The following GRIP1 variants were observed in gnomAD, a reference collection of about 807,000 sequenced individuals.
GRIP1 encodes glutamate receptor interacting protein 1.
A neutral mutation model predicts 129.9 loss-of-function variants in GRIP1; 45 were observed. The observed-to-expected ratio is 0.35, with a 90% CI of 0.27 to 0.44. The LOEUF (loss-of-function observed/expected upper bound fraction) is 0.44, where lower values mean the gene tolerates loss of function less well. Ranked by LOEUF, GRIP1 falls within the 20% of genes least tolerant of loss-of-function variation. The pLI, the probability that GRIP1 is intolerant of heterozygous loss-of-function variation, is 1.00. For synonymous variants in GRIP1, 530 were observed against 520.8 expected (o/e 1.02, Z -0.24); for missense variants, 1,196 against 1,396.8 (o/e 0.86, Z 2.29).
intron 1 of GRIP1, among the ~76,000 whole-genome samples, chr12:67,021,655 C>T (rs2042868880): frequency 6.6e-6 from 1 of 152,072 alleles, no homozygotes; most frequent in Non-Finnish European, 1.5e-5. Flanking sequence ...ATTCCAAATC[C>T]TCTCTTCTAG....
intron 22 of GRIP1, among the ~76,000 whole-genome samples, chr12:66,375,141 T>C (rs1409273582): frequency 6.6e-6 from 1 of 152,172 alleles, no homozygotes; most frequent in Non-Finnish European, 1.5e-5. Flanking sequence ...TTAATTTTTA[T>C]TGAATACTTA....
At chr12:66,886,191 G>T (rs936661233) in intron 1 of GRIP1, among the ~76,000 whole-genome samples, 1 of 152,042 alleles carries the variant, frequency 6.6e-6, no homozygotes, top group African/African-American at 2.4e-5. Context: ...ATTTGAACCC[G>T]GGAGTTGGAG....
intron 7 of GRIP1, among the ~76,000 whole-genome samples, chr12:66,489,120 A>C (rs2060036948): frequency 6.6e-6 from 1 of 152,196 alleles, no homozygotes; most frequent in South Asian, 2.1e-4. Context: ...AACTCATTCT[A>C]TGAGACCAGC....
intron 1 of GRIP1, among the ~76,000 whole-genome samples, chr12:66,940,323 G>C (rs530243724): frequency 2.0e-5 from 3 of 152,188 alleles, no homozygotes; most frequent in African/African-American, 7.2e-5. Flanking sequence ...GGGATAATAT[G>C]CACCATGAAA....
intron 15 of GRIP1, among the ~76,000 whole-genome samples, chr12:66,408,348 G>A (rs1183126944): frequency 1.3e-5 from 2 of 152,046 alleles, no homozygotes; most frequent in African/African-American, 2.4e-5. Flanking sequence ...GCGTGGTGGT[G>A]CACGCCTGTA....
chr12:66,695,987 A>C (rs961234993), intron 1 of GRIP1, among the ~76,000 whole-genome samples: 9 of 152,294 alleles, frequency 5.9e-5, no homozygotes, highest in African/African-American at 1.9e-4. Flanking sequence ...AGGAGAAGAA[A>C]GAACTGGTAG....
chr12:66,901,636 C>A (rs56090653), intron 1 of GRIP1, among the ~76,000 whole-genome samples: 32 of 152,270 alleles, frequency 2.1e-4, no homozygotes, highest in African/African-American at 7.2e-4. Flanking sequence ...TGTACAGTAG[C>A]CTTAATAAAC....
At chr12:66,629,591 C>A (rs2030513289) in intron 1 of GRIP1, among the ~76,000 whole-genome samples, 3 of 152,152 alleles carry the variant, frequency 2.0e-5, no homozygotes, top group South Asian at 2.1e-4. Flanking sequence ...AAGTCAATTT[C>A]TGGAAGGGAC....
chr12:66,520,609 T>C (rs1270484938), intron 5 of GRIP1, among the ~76,000 whole-genome samples: 1 of 152,216 alleles, frequency 6.6e-6, no homozygotes, highest in East Asian at 1.9e-4. Context: ...AAGCTCACAT[T>C]ATAAAACTCC....
chr12:67,053,073 T>C (rs1565657552), intron 1 of GRIP1, among the ~76,000 whole-genome samples: 1 of 152,172 alleles, frequency 6.6e-6, no homozygotes, highest in Admixed American at 6.5e-5. Context: ...AACTGACTAG[T>C]TCCATGATGA....
intron 1 of GRIP1, among the ~76,000 whole-genome samples, chr12:67,037,172 CA>C (rs1218470186): frequency 1.3e-5 from 2 of 151,768 alleles, no homozygotes; most frequent in African/African-American, 4.8e-5. Context: ...ACTAAAAATA[CA>C]AAAAATTAGC....
chr12:66,972,314 T>G (rs901212392), intron 1 of GRIP1, among the ~76,000 whole-genome samples: 1 of 152,196 alleles, frequency 6.6e-6, no homozygotes, highest in African/African-American at 2.4e-5. Flanking sequence ...AGGCAGCCAG[T>G]TCAACAGCTC....
chr12:66,913,444 C>A (rs1200134453), intron 1 of GRIP1, among the ~76,000 whole-genome samples: 1 of 152,060 alleles, frequency 6.6e-6, no homozygotes. Context: ...CAAAAAAAAC[C>A]CTCAGTAATG....
chr12:66,979,591 G>A (rs1015528419), intron 1 of GRIP1, among the ~76,000 whole-genome samples: 3 of 152,092 alleles, frequency 2.0e-5, no homozygotes, highest in African/African-American at 7.2e-5. Context: ...GAGACACTAT[G>A]TTATGGGTTA....
At chr12:66,891,730 T>C (rs1566067100) in intron 1 of GRIP1, 1 of 152,148 alleles carries the variant, frequency 6.6e-6, no homozygotes, top group Non-Finnish European at 1.5e-5. Context: ...CTTCCTTCTC[T>C]CTCATGGGAA....
At chr12:66,713,076 G>A (rs537971513) in intron 1 of GRIP1, among the ~76,000 whole-genome samples, 34 of 152,036 alleles carry the variant, frequency 2.2e-4, no homozygotes, top group African/African-American at 8.0e-4. Flanking sequence ...GCCAGAAAAG[G>A]TAGAAAACAG....
intron 7 of GRIP1, among the ~76,000 whole-genome samples, chr12:66,508,044 G>A (rs1493490): frequency 0.49 from 74,921 of 151,956 alleles, 19,029 homozygotes; most frequent in African/African-American, 0.63. Context: ...AGCTGAGCAA[G>A]GAAAGTAACA....
intron 1 of GRIP1, among the ~76,000 whole-genome samples, chr12:66,636,873 C>T (rs571338815): frequency 1.3e-5 from 2 of 152,228 alleles, no homozygotes; most frequent in South Asian, 2.1e-4. Context: ...CTCAGACTTT[C>T]CAGCCTCCAG....
intron 1 of GRIP1, among the ~76,000 whole-genome samples, chr12:66,696,585 G>C (rs1014533569): frequency 6.6e-6 from 1 of 151,750 alleles, no homozygotes. Flanking sequence ...AGGAGATCGA[G>C]ACCATTCTGG....
Sources: allele counts gnomAD v4.1 joint callset (sites outside exome capture counted in the v4.1 genomes callset), GRCh38; gene constraint gnomAD v4.1.1; transcripts MANE v1.5; gene names NCBI Gene and HGNC (gene_info 2026-07-23, HGNC 2026-07-21).